The following GCNT2 variants were observed in gnomAD, a reference collection of about 807,000 sequenced individuals.
GCNT2 encodes N-acetyllactosaminide beta-1,6-N-acetylglucosaminyl-transferase.
GCNT2 carries 34 observed loss-of-function variants against 34.2 expected under a neutral mutation model. The ratio of observed to expected loss-of-function variants is 1.00; its 90% CI spans 0.76 to 1.32. The LOEUF is 1.32. GCNT2 is among the 40% of genes most tolerant of loss of function. The probability of loss-of-function intolerance (pLI) is 0.00; values close to 1 mark genes in which losing one functional copy is unlikely to be tolerated. For missense variants in GCNT2, 584 were observed against 489.4 expected (o/e 1.19, Z -1.82); for synonymous variants, 212 against 188.0 (o/e 1.13, Z -1.04).
At chr6:10,544,618 A>G (rs1762183027) in intron 3 of GCNT2, among the ~76,000 whole-genome samples, 1 of 137,870 alleles carries the variant, frequency 7.3e-6, no homozygotes, top group Admixed American at 6.9e-5. Flanking sequence ...ATAAATACAT[A>G]AAATAAAATA....
chr6:10,557,048 A>G, intron 3 of GCNT2: 2 of 1,611,770 alleles, frequency 1.2e-6, no homozygotes, highest in South Asian at 2.2e-5. Context: ...GAAAGGATTT[A>G]AAGGTAAAAA....
Position 10,524,557 on chromosome 6 carries a change from T to C in GCNT2, c.-468-2917T>C, listed in dbSNP as rs143361090. 4.7e-4 allele frequency among the ~76,000 whole-genome samples: 72 copies of C among 152,128 alleles called. 1 individual carries two copies. Among genetic ancestry groups the C allele is most frequent in the South Asian group, 8.3e-4 (4 of 4,826 alleles). On this transcript the variant is annotated intron_variant, in intron 1 of 4. Coordinates refer to ENST00000495262, the MANE Select transcript of GCNT2 (RefSeq NM_145649.5). ...GTTATAACCTATGCTTAAAAAGAAA[T>C]AGTGATGAGGATAAAGCAGGGTACC...
chr6:10,547,250 C>T (rs180897432), intron 3 of GCNT2, among the ~76,000 whole-genome samples: 7 of 152,240 alleles, frequency 4.6e-5, no homozygotes, highest in Admixed American at 4.6e-4. Flanking sequence ...AGACACCCAC[C>T]CCCATGTAAC....
rs569710918 is a variant in GCNT2, at chr6:10,584,347, C to T, written c.926-37004C>T. Reference sequence around the variant, plus strand: ...TAGTATTGCTGCCATGATGTCTCACCTGTATCCATAAGGCGATTTTCTCTT... The same window carrying T: ...TAGTATTGCTGCCATGATGTCTCACTTGTATCCATAAGGCGATTTTCTCTT... On this transcript the variant is annotated intron_variant, in intron 3 of 4. Coordinates refer to ENST00000495262, the MANE Select transcript of GCNT2 (RefSeq NM_145649.5). 4.6e-4 allele frequency among the ~76,000 whole-genome samples: 70 copies of T among 152,300 alleles called. 2 individuals are homozygous for T. In the South Asian group the frequency reaches 0.012, roughly 26 times the overall value.
At chr6:10,544,890 A>G (rs1263386519) in intron 3 of GCNT2, among the ~76,000 whole-genome samples, 1 of 151,994 alleles carries the variant, frequency 6.6e-6, no homozygotes, top group East Asian at 1.9e-4. Context: ...GGTTGCAGTG[A>G]GCTGAGATTG....
chr6:10,526,409 T>C (rs1761189091), intron 1 of GCNT2, among the ~76,000 whole-genome samples: 1 of 152,198 alleles, frequency 6.6e-6, no homozygotes, highest in Non-Finnish European at 1.5e-5. Flanking sequence ...CTCAATGTGT[T>C]CGCTTTTAGC....
intron 3 of GCNT2, among the ~76,000 whole-genome samples, chr6:10,578,763 T>C (rs942780879): frequency 1.3e-5 from 2 of 152,042 alleles, no homozygotes; most frequent in African/African-American, 4.8e-5. Flanking sequence ...TATATTCTTG[T>C]GGAGGAGAGA....
intron 3 of GCNT2, chr6:10,586,500 C>T (rs1764355614): frequency 1.2e-6 from 2 of 1,614,158 alleles, no homozygotes; most frequent in Admixed American, 1.7e-5. Context: ...CCAGGCTGAC[C>T]TGAACTGTCT....
chr6:10,620,915 G>T (rs759126277), intron 3 of GCNT2, among the ~76,000 whole-genome samples: 6 of 152,068 alleles, frequency 3.9e-5, no homozygotes, highest in African/African-American at 7.2e-5. Context: ...GGCATCTATT[G>T]GGTAGAGGCC....
intron 3 of GCNT2, among the ~76,000 whole-genome samples, chr6:10,568,237 C>G (rs1014260961): frequency 6.6e-6 from 1 of 151,998 alleles, no homozygotes; most frequent in African/African-American, 2.4e-5. Flanking sequence ...TATCTCTTCT[C>G]GAAGCTTCCA....
intron 3 of GCNT2, among the ~76,000 whole-genome samples, chr6:10,543,533 A>G (rs1390459407): frequency 6.6e-6 from 1 of 152,126 alleles, no homozygotes; most frequent in Non-Finnish European, 1.5e-5. Flanking sequence ...GACCTGCCAA[A>G]CTGGTTTCCA....
chr6:10,603,990 G>T (rs6904399), intron 3 of GCNT2, among the ~76,000 whole-genome samples: 1 of 151,304 alleles, frequency 6.6e-6, no homozygotes, highest in Non-Finnish European at 1.5e-5. Context: ...CCGCCGCCCC[G>T]GTTCAAACGA....
Position 10,557,208 on chromosome 6 carries a change from C to G in GCNT2, c.925+27372C>G, listed in dbSNP as rs771546553. ...CATAATCTCACAATTTACTTTGGCT[C>G]TGCCTATGTGGCTCTATCAAGAGAG... On this transcript the variant is annotated intron_variant, in intron 3 of 4. Transcript: ENST00000495262. 3.2e-6 allele frequency: 5 copies of G among 1,571,116 alleles called. No individual in the cohort carries two copies. The South Asian group carries it at 4.8e-5, about 15-fold the overall frequency.
intron 3 of GCNT2, among the ~76,000 whole-genome samples, chr6:10,547,560 T>A (rs1009536952): frequency 2.0e-5 from 3 of 152,242 alleles, no homozygotes; most frequent in Non-Finnish European, 4.4e-5. Flanking sequence ...AGCCTTATAA[T>A]GATGATGACT....
At chr6:10,586,871 T>A (rs1481024105) in intron 3 of GCNT2, 1 of 1,613,892 alleles carries the variant, frequency 6.2e-7, no homozygotes, top group Non-Finnish European at 8.5e-7. Context: ...AAGATACCTA[T>A]AGTCCTGATG....
rs139263152 is a variant in GCNT2, at chr6:10,529,255, G to A, written c.344G>A (p.Arg115Lys). 312 of 1,614,052 alleles carry A rather than the reference G, an allele frequency of 1.9e-4. 1 individual carries two copies. The highest frequency in any genetic ancestry group is 2.5e-4 in the Non-Finnish European group (292 of 1,180,036). The change falls in exon 3 of 5, where the codon AGG becomes AAG. Residue 115 changes from arginine (R) to lysine (K), a missense_variant. Coordinates refer to ENST00000495262, the MANE Select transcript of GCNT2 (RefSeq NM_145649.5). Reference sequence around the variant, plus strand: ...TTCGGCACTTTTGAGAGGCTCTTCAGGGCGATTTATATGCCCCAAAATGTC... The same window carrying A: ...TTCGGCACTTTTGAGAGGCTCTTCAAGGCGATTTATATGCCCCAAAATGTC... Reference protein sequence around the residue: ...KDFGTFERLFRAIYMPQNVYC... With the variant: ...KDFGTFERLFKAIYMPQNVYC...
intron 3 of GCNT2, among the ~76,000 whole-genome samples, chr6:10,601,060 G>A (rs1042474124): frequency 6.6e-6 from 1 of 152,094 alleles, no homozygotes; most frequent in African/African-American, 2.4e-5. Context: ...CCTAAGTGCT[G>A]GGATTACAGG....
In GCNT2 at chr6:10,556,729, T is replaced by G. The variant is rs200739551; in HGVS notation, c.925+26893T>G. The G allele has an allele frequency of 1.5e-5, 25 of 1,614,096 alleles. No homozygotes were observed. The highest frequency in any genetic ancestry group is 1.3e-4 in the Admixed American group (8 of 60,006). ...CCTTGGCATATATAATGGTCATCCATCATCACTTTGACACCTTTGCAAGGC... is the reference window on the plus strand; with the variant it reads ...CCTTGGCATATATAATGGTCATCCAGCATCACTTTGACACCTTTGCAAGGC... On this transcript the variant is annotated intron_variant, in intron 3 of 4. Coordinates refer to ENST00000495262, the MANE Select transcript of GCNT2 (RefSeq NM_145649.5).
intron 3 of GCNT2, among the ~76,000 whole-genome samples, chr6:10,553,437 A>G (rs1762562534): frequency 6.6e-6 from 1 of 152,146 alleles, no homozygotes; most frequent in African/African-American, 2.4e-5. Context: ...TGGCCTTCAC[A>G]TGGGAAGCCA....
Sources: allele counts gnomAD v4.1 joint callset (sites outside exome capture counted in the v4.1 genomes callset), GRCh38; gene constraint gnomAD v4.1.1; transcripts MANE v1.5; gene names NCBI Gene and HGNC (gene_info 2026-07-23, HGNC 2026-07-21).